The following MTCL1 variants were observed in gnomAD, a reference collection of about 807,000 sequenced individuals.
MTCL1 encodes the protein microtubule crosslinking factor 1, also known as microtubule cross-linking factor 1.
Under a neutral mutation model 141.4 loss-of-function variants are expected in MTCL1, and 79 were observed. The ratio of observed to expected loss-of-function variants is 0.56; its 90% confidence interval spans 0.47 to 0.67. The LOEUF is 0.67. Ranked by LOEUF, MTCL1 falls within the 30% of genes least tolerant of loss-of-function variation. The pLI is 0.00. For missense variants in MTCL1, 2,177 were observed against 2,113.9 expected (o/e 1.03, Z -0.59); for synonymous variants, 914 against 875.8 (o/e 1.04, Z -0.77).
chr18:8,735,475 C>T (rs570901232), intron 4 of MTCL1, among the ~76,000 whole-genome samples: 1 of 152,282 alleles, frequency 6.6e-6, no homozygotes, highest in South Asian at 2.1e-4. Context: ...ACCTGTCCTT[C>T]CTGGCTGCCT....
intron 4 of MTCL1, among the ~76,000 whole-genome samples, chr18:8,770,513 G>A (rs1267288683): frequency 1.3e-5 from 2 of 152,138 alleles, no homozygotes; most frequent in African/African-American, 4.8e-5. Context: ...CCTCTTCCTC[G>A]TCTTACAAGG....
intron 7 of MTCL1, among the ~76,000 whole-genome samples, chr18:8,788,288 C>T (rs374667699): frequency 2.0e-5 from 3 of 152,280 alleles, no homozygotes; most frequent in African/African-American, 7.2e-5. Flanking sequence ...ACGGATTTTG[C>T]CCTCAGGCCA....
intron 4 of MTCL1, among the ~76,000 whole-genome samples, chr18:8,723,607 A>G (rs487155): frequency 0.41 from 61,475 of 151,610 alleles, 13,308 homozygotes; most frequent in Admixed American, 0.53. Flanking sequence ...TCAGCTGCTT[A>G]GTGGACATCT....
intron 4 of MTCL1, among the ~76,000 whole-genome samples, chr18:8,742,689 G>A (rs747525761): frequency 4.6e-5 from 7 of 152,110 alleles, no homozygotes; most frequent in South Asian, 2.1e-4. Flanking sequence ...CATCACCGTC[G>A]TTTCCTTTAT....
chr18:8,801,203 T>C (rs377236026), intron 10 of MTCL1, among the ~76,000 whole-genome samples: 174 of 152,254 alleles, frequency 1.1e-3, no homozygotes, highest in African/African-American at 3.9e-3. Context: ...CCAGCAGTCT[T>C]CCTTTCTGGC....
chr18:8,779,419 C>T lies in MTCL1; in HGVS notation c.417+1527C>T, dbSNP rs963254672. Among the ~76,000 whole-genome samples the T allele has an allele frequency of 6.6e-6, 1 of 152,204 alleles. No homozygotes were observed. On this transcript the variant is annotated intron_variant, in intron 5 of 16. Coordinates refer to ENST00000359865, the Ensembl canonical transcript of MTCL1. This position sits in a 1 kb window ranked among gnomAD's most constrained non-coding sequence, Gnocchi z 4.1. The stretch of plus-strand genomic sequence containing the variant: ...AGACTCGGCCTTGAACCCCCGCCTC[C>T]GCTAGACTCTTGGCAGAGTTTTAAG...
At chr18:8,762,219 G>C (rs529230864) in intron 4 of MTCL1, among the ~76,000 whole-genome samples, 1 of 152,206 alleles carries the variant, frequency 6.6e-6, no homozygotes, top group Non-Finnish European at 1.5e-5. Flanking sequence ...GATTTTCCAA[G>C]AGAAGTTTCA....
chr18:8,752,952 G>A (rs958595290), intron 4 of MTCL1, among the ~76,000 whole-genome samples: 1 of 152,178 alleles, frequency 6.6e-6, no homozygotes, highest in Non-Finnish European at 1.5e-5. Context: ...AGGCAAATGC[G>A]TGGAGACGTC....
intron 4 of MTCL1, among the ~76,000 whole-genome samples, chr18:8,758,337 A>C (rs2096413175): frequency 6.6e-6 from 1 of 151,776 alleles, no homozygotes; most frequent in African/African-American, 2.4e-5. Context: ...CCACTCTTCT[A>C]ATCCCTCAGG....
chr18:8,778,409 G>C (rs952469000), intron 5 of MTCL1, among the ~76,000 whole-genome samples: 13 of 152,220 alleles, frequency 8.5e-5, no homozygotes, highest in African/African-American at 3.1e-4. Flanking sequence ...CTGTAAAGCT[G>C]TTTTACTGGA....
At chr18:8,709,959 C>T (rs563065821) in intron 1 of MTCL1, among the ~76,000 whole-genome samples, 46 of 152,254 alleles carry the variant, frequency 3.0e-4, no homozygotes, top group African/African-American at 1.1e-3. Context: ...CCTGCCTCAG[C>T]CTCCGGAGTA....
intron 7 of MTCL1, chr18:8,789,747 T>C: frequency 1.0e-6 from 1 of 978,024 alleles, no homozygotes; most frequent in Non-Finnish European, 1.2e-6. Context: ...AAAGGGTTTT[T>C]TTTAGAATCA....
chr18:8,764,757 G>A (rs925027292), intron 4 of MTCL1, among the ~76,000 whole-genome samples: 1 of 152,198 alleles, frequency 6.6e-6, no homozygotes, highest in African/African-American at 2.4e-5. Context: ...TCACATGGTT[G>A]CTGGACAACT....
At chr18:8,819,351 C>T in intron 13 of MTCL1, 92 bp downstream of exon 12, 4 of 1,367,768 alleles carry the variant, frequency 2.9e-6, no homozygotes, top group Non-Finnish European at 3.0e-6. Flanking sequence ...CCTCTCCTGG[C>T]AGGCTCTAGC....
At chr18:8,743,604 A>G (rs2096317344) in intron 4 of MTCL1, among the ~76,000 whole-genome samples, 1 of 152,254 alleles carries the variant, frequency 6.6e-6, no homozygotes, top group Non-Finnish European at 1.5e-5. Context: ...CAGCTTCCAG[A>G]GGCCATCTAC....
chr18:8,788,303 C>T (rs1036466329), intron 7 of MTCL1, among the ~76,000 whole-genome samples: 6 of 152,186 alleles, frequency 3.9e-5, no homozygotes, highest in East Asian at 1.9e-4. Context: ...AGGCCAACCA[C>T]GACTCTACCT....
chr18:8,755,018 G>C (rs2096389840), intron 4 of MTCL1, among the ~76,000 whole-genome samples: 1 of 152,164 alleles, frequency 6.6e-6, no homozygotes, highest in Admixed American at 6.5e-5. Flanking sequence ...TAATATCTGG[G>C]AGTGCTTCGG....
intron 4 of MTCL1, among the ~76,000 whole-genome samples, chr18:8,742,477 G>A (rs1486084425): frequency 6.6e-6 from 1 of 152,216 alleles, no homozygotes; most frequent in East Asian, 1.9e-4. Context: ...TTCACATGGT[G>A]GCAGGAAGGA....
At chr18:8,809,713 G>T in intron 11 of MTCL1, 2 of 1,243,848 alleles carry the variant, frequency 1.6e-6, no homozygotes, top group Non-Finnish European at 2.2e-6. Flanking sequence ...CGGCTGTCAG[G>T]TTTCTAGTAC....
Sources: allele counts gnomAD v4.1 joint callset (sites outside exome capture counted in the v4.1 genomes callset), GRCh38; gene constraint gnomAD v4.1.1; non-coding constraint Gnocchi (gnomAD v3.1); transcripts MANE v1.5; gene names NCBI Gene and HGNC (gene_info 2026-07-23, HGNC 2026-07-21).